NBEA: variants seen among roughly 807,000 people sequenced by gnomAD.
NBEA encodes the protein neurobeachin, also known as lysosomal-trafficking regulator 2.
Under a neutral mutation model 343.4 loss-of-function variants are expected in NBEA, and 44 were observed. The ratio of observed to expected loss-of-function variants is 0.13; its 90% CI spans 0.10 to 0.16. The LOEUF is 0.16. NBEA is among the 10% of genes least tolerant of loss of function. The pLI is 1.00. For synonymous variants in NBEA, 1,175 were observed against 1,238.7 expected (o/e 0.95, Z 1.08); for missense variants, 2,555 against 3,631.3 (o/e 0.70, Z 7.62).
At chr13:35,665,313 G>A in intron 56 of NBEA, 127 bp downstream of exon 56, 1 of 675,414 alleles carries the variant, frequency 1.5e-6, no homozygotes, top group Admixed American at 2.7e-5. Context: ...GTTATTTGTA[G>A]ATGTTTAGTT....
intron 10 of NBEA, among the ~76,000 whole-genome samples, chr13:35,075,331 T>C (rs1308960253): frequency 6.6e-6 from 1 of 152,160 alleles, no homozygotes; most frequent in East Asian, 1.9e-4. Context: ...TTTTACTTTC[T>C]TCCGTGAGTT....
At chr13:35,451,724 G>T (rs888511842) in intron 39 of NBEA, among the ~76,000 whole-genome samples, 2 of 152,184 alleles carry the variant, frequency 1.3e-5, no homozygotes, top group Admixed American at 6.5e-5. Context: ...AAATAAGTTT[G>T]GGGTGAAGTA....
At chr13:35,071,561 A>C (rs1212038981) in intron 10 of NBEA, among the ~76,000 whole-genome samples, 1 of 152,048 alleles carries the variant, frequency 6.6e-6, no homozygotes, top group East Asian at 1.9e-4. Flanking sequence ...TTGATTATAC[A>C]CATTGCCATG....
chr13:35,469,090 A>T (rs1346344347), intron 40 of NBEA, among the ~76,000 whole-genome samples: 9 of 96,488 alleles, frequency 9.3e-5, no homozygotes, highest in Admixed American at 1.6e-4. Flanking sequence ...ACAGAGCAAG[A>T]CTCTATCTCA....
rs148633430 is a variant in NBEA at position 35,548,819 on chromosome 13, G to A, written c.6586-1658G>A. ...TAACAATTTATAAATATAAATTGTG[G>A]CAAGTCACTATAACCCTTTTGTGAA... On this transcript the variant is annotated intron_variant, in intron 41 of 58. Transcript: ENST00000379939. Among the ~76,000 whole-genome samples, 68 of 152,146 alleles carry A rather than the reference G, an allele frequency of 4.5e-4. 1 individual carries two copies. The highest frequency in any genetic ancestry group is 3.4e-3 in the Middle Eastern group (1 of 294).
chr13:35,530,371 A>G (rs893452274), intron 41 of NBEA, among the ~76,000 whole-genome samples: 1 of 152,162 alleles, frequency 6.6e-6, no homozygotes, highest in African/African-American at 2.4e-5. Flanking sequence ...ATTTCCTGAC[A>G]TGCCTGACAG....
At chr13:35,057,385 T>C (rs1398588542) in intron 7 of NBEA, among the ~76,000 whole-genome samples, 1 of 152,134 alleles carries the variant, frequency 6.6e-6, no homozygotes, top group Middle Eastern at 3.2e-3. Flanking sequence ...TTTCTGGTTT[T>C]GTGTAAGCTG....
intron 34 of NBEA, among the ~76,000 whole-genome samples, chr13:35,266,347 A>G (rs2033675075): frequency 6.6e-6 from 1 of 151,806 alleles, no homozygotes; most frequent in Admixed American, 6.6e-5. Flanking sequence ...TATGTATCCA[A>G]AGGAAATTGA....
chr13:34,988,757 G>T (rs962798232), intron 1 of NBEA, among the ~76,000 whole-genome samples: 2 of 150,946 alleles, frequency 1.3e-5, no homozygotes, highest in South Asian at 2.1e-4. Context: ...TAGTTATATT[G>T]TTGCACAATC....
rs116235443 is a variant in NBEA at position 35,488,924 on chromosome 13, A to G, written c.6585+16388A>G. ...TCTCAAAACACATTTGAGAAGCAGTAGTAAAATACAAAATGCATTTTAATA... is the reference window on the plus strand; with the variant it reads ...TCTCAAAACACATTTGAGAAGCAGTGGTAAAATACAAAATGCATTTTAATA... On this transcript the variant is annotated intron_variant, in intron 41 of 58. Transcript: ENST00000379939. Among the ~76,000 whole-genome samples, 1,222 of 152,110 alleles carry G rather than the reference A, an allele frequency of 8.0e-3. 18 individuals are homozygous for G. Among genetic ancestry groups the G allele is most frequent in the African/African-American group, 0.028 (1,160 of 41,546 alleles).
intron 34 of NBEA, among the ~76,000 whole-genome samples, chr13:35,240,289 G>A (rs971741170): frequency 3.3e-5 from 5 of 151,780 alleles, no homozygotes; most frequent in African/African-American, 9.7e-5. Context: ...GGGATGTTTT[G>A]TTTTTACAAA....
intron 10 of NBEA, among the ~76,000 whole-genome samples, chr13:35,072,415 T>TC (rs1019249481): frequency 2.0e-5 from 3 of 152,152 alleles, no homozygotes; most frequent in Non-Finnish European, 2.9e-5. Flanking sequence ...ATTTATTTCA[T>TC]CGTGGAGATA....
intron 4 of NBEA, 30 bp downstream of exon 4, chr13:35,045,431 A>T: frequency 6.7e-7 from 1 of 1,501,676 alleles, no homozygotes; most frequent in Non-Finnish European, 9.1e-7. Context: ...GCTGATTTTT[A>T]TTTATTTATT....
At chr13:35,105,970 T>C (rs556587844) in intron 11 of NBEA, among the ~76,000 whole-genome samples, 1 of 152,182 alleles carries the variant, frequency 6.6e-6, no homozygotes, top group Non-Finnish European at 1.5e-5. Context: ...TCTCTCTTTA[T>C]TGAATAGAAG....
chr13:35,488,777 TTTC>T (rs1208221985), intron 41 of NBEA, among the ~76,000 whole-genome samples: 1 of 151,920 alleles, frequency 6.6e-6, no homozygotes, highest in Non-Finnish European at 1.5e-5. Flanking sequence ...GCTCAGTTGT[TTTC>T]TTCAAGTGCA....
chr13:35,212,285 T>C (rs2073826633), intron 33 of NBEA, among the ~76,000 whole-genome samples: 1 of 152,166 alleles, frequency 6.6e-6, no homozygotes, highest in Admixed American at 6.6e-5. Flanking sequence ...GTCTCTGGCT[T>C]CTTTTGTTCA....
At chr13:35,212,143 G>A (rs758961220) in intron 33 of NBEA, among the ~76,000 whole-genome samples, 11 of 152,044 alleles carry the variant, frequency 7.2e-5, no homozygotes, top group Non-Finnish European at 1.0e-4. Context: ...CACCAGGAAC[G>A]CCTACTTTGC....
At position 35,025,765 on chromosome 13, in the gene NBEA, A is replaced by G. The variant is rs188009366; in HGVS notation, c.295-15168A>G. ...TTGTCTCTCACTAGTTTATTTTGCT[A>G]TCGCTTACATTTTCTTCTCCATCTT... On this transcript the variant is annotated intron_variant, in intron 1 of 58. Transcript: ENST00000379939. 3.9e-5 allele frequency among the ~76,000 whole-genome samples: 6 copies of G among 152,150 alleles called. No individual in the cohort carries two copies. In the East Asian group the frequency reaches 1.2e-3, roughly 29 times the overall value.
intron 38 of NBEA, among the ~76,000 whole-genome samples, chr13:35,425,672 G>T (rs2044618356): frequency 6.6e-6 from 1 of 152,166 alleles, no homozygotes; most frequent in African/African-American, 2.4e-5. Flanking sequence ...TCCTCTTGAT[G>T]CAGAGCTGAG....
Sources: gnomAD v4.1 joint callset for allele counts (sites outside exome capture counted in the v4.1 genomes callset) on GRCh38, gnomAD v4.1.1 for gene constraint, MANE v1.5 for transcripts, NCBI Gene and HGNC (gene_info 2026-07-23, HGNC 2026-07-21) for gene names.